Variants in AGO3 observed in about 807,000 individuals in gnomAD.
AGO3 encodes the protein argonaute RISC catalytic component 3.
Under a neutral mutation model 105.5 loss-of-function variants are expected in AGO3, and 16 were observed. The ratio of observed to expected loss-of-function variants is 0.15; its 90% confidence interval spans 0.10 to 0.23. AGO3 has a LOEUF of 0.23. Ranked by LOEUF, AGO3 falls within the 10% of genes least tolerant of loss-of-function variation. The pLI is 1.00. For synonymous variants in AGO3, 340 were observed against 367.3 expected (o/e 0.93, Z 0.85); for missense variants, 534 against 1,088.0 (o/e 0.49, Z 7.16).
chr1:35,948,216 ATTTTTTT>A (rs926949293), intron 2 of AGO3, among the ~76,000 whole-genome samples: 232 of 135,328 alleles, frequency 1.7e-3, no homozygotes, highest in Non-Finnish European at 2.0e-3. Flanking sequence ...AAGGAACAGA[ATTTTTTT>A]TTTTTTTTTT....
intron 6 of AGO3, among the ~76,000 whole-genome samples, chr1:36,005,007 TA>T (rs1640273579): frequency 6.6e-6 from 1 of 152,174 alleles, no homozygotes; most frequent in East Asian, 1.9e-4. Flanking sequence ...ACTTAGTAAC[TA>T]AAATTTGTAC....
chr1:36,058,196 G>A lies in AGO3; in HGVS notation c.*2451G>A, dbSNP rs895821821. ...TGCAAGATGATATTTTAAAACTTTTGCTAATGTATCACCAGTATAACTTTC... is the reference window on the plus strand; with the variant it reads ...TGCAAGATGATATTTTAAAACTTTTACTAATGTATCACCAGTATAACTTTC... On this transcript the variant is annotated 3_prime_UTR_variant, in exon 19 of 19. Transcript: ENST00000373191. 6.6e-6 allele frequency: 1 copy of A among 152,072 alleles called. No homozygotes were observed. Among genetic ancestry groups the A allele is most frequent in the African/African-American group, 2.4e-5 (1 of 41,412 alleles). 9.4% of individuals were successfully genotyped at this position (152,072 alleles called of 1,614,324 possible). A position where few individuals can be genotyped will look rare whatever the true frequency, so the allele number is the denominator to read the frequency against.
chr1:35,996,118 C>T (rs1002032507), intron 5 of AGO3, among the ~76,000 whole-genome samples: 3 of 152,004 alleles, frequency 2.0e-5, no homozygotes, highest in Non-Finnish European at 2.9e-5. Context: ...GCAAGAGAAT[C>T]GCTTGAGGCC....
In AGO3 at chr1:36,071,701, CT is replaced by C. The variant is rs1293799560; in HGVS notation, c.*15957del. 6.6e-6 allele frequency: 1 copy of C among 152,082 alleles called. No homozygotes were observed. Among genetic ancestry groups the C allele is most frequent in the Non-Finnish European group, 1.5e-5 (1 of 68,024 alleles). 9.4% of individuals were successfully genotyped at this position (152,082 alleles called of 1,614,324 possible). ...AGACTGCAGAATTTCAAGTGTATATCTATAAATCTTTTTTTAAAATCTTCGG... is the reference window on the plus strand; with the variant it reads ...AGACTGCAGAATTTCAAGTGTATATCATAAATCTTTTTTTAAAATCTTCGG... On this transcript the variant is annotated 3_prime_UTR_variant, in exon 19 of 19. Coordinates refer to ENST00000373191, the MANE Select transcript of AGO3 (RefSeq NM_024852.4).
At chr1:36,015,036 T>G (rs1264811576) in intron 11 of AGO3, among the ~76,000 whole-genome samples, 1 of 152,048 alleles carries the variant, frequency 6.6e-6, no homozygotes, top group Non-Finnish European at 1.5e-5. Flanking sequence ...CCAATTCAGT[T>G]ATTACACTAT....
At chr1:36,041,972 G>A (rs1432354463) in intron 16 of AGO3, among the ~76,000 whole-genome samples, 3 of 152,144 alleles carry the variant, frequency 2.0e-5, no homozygotes, top group Non-Finnish European at 4.4e-5. Flanking sequence ...GCTGCAGAGT[G>A]GTGGTGATAG....
chr1:35,934,974 T>G (rs1646124078), intron 1 of AGO3, among the ~76,000 whole-genome samples: 2 of 152,212 alleles, frequency 1.3e-5, no homozygotes, highest in Non-Finnish European at 2.9e-5. Context: ...TTTTCTCACT[T>G]GTAGTTCTTT....
chr1:36,009,675 C>A, intron 9 of AGO3, 81 bp downstream of exon 9: 1 of 1,383,232 alleles, frequency 7.2e-7, no homozygotes, highest in Non-Finnish European at 9.8e-7. Context: ...CCTTATCAAC[C>A]CATACCTTAT....
At chr1:36,053,951 A>G (rs924093351) in intron 17 of AGO3, among the ~76,000 whole-genome samples, 1 of 151,282 alleles carries the variant, frequency 6.6e-6, no homozygotes, top group African/African-American at 2.4e-5. Context: ...GTTTCACCAT[A>G]TTAGCCAGGA....
chr1:35,970,072 C>A (rs1380504466), intron 3 of AGO3, among the ~76,000 whole-genome samples: 1 of 152,112 alleles, frequency 6.6e-6, no homozygotes, highest in Non-Finnish European at 1.5e-5. Flanking sequence ...TTTATGTTTT[C>A]TCTGCTGCAG....
chr1:36,036,112 T>C, intron 13 of AGO3, 65 bp from the exon 14 acceptor site: 1 of 1,475,342 alleles, frequency 6.8e-7, no homozygotes, highest in Non-Finnish European at 9.5e-7. Flanking sequence ...GTTGCAATTG[T>C]GTGAAACAGA....
At chr1:35,935,015 C>T (rs1557638737) in intron 1 of AGO3, among the ~76,000 whole-genome samples, 1 of 152,164 alleles carries the variant, frequency 6.6e-6, no homozygotes, top group Non-Finnish European at 1.5e-5. Flanking sequence ...AATTACTGCT[C>T]TGTCTGTGGG....
chr1:36,002,609 G>C (rs1640138137), intron 5 of AGO3, among the ~76,000 whole-genome samples: 1 of 151,920 alleles, frequency 6.6e-6, no homozygotes, highest in African/African-American at 2.4e-5. Context: ...TGGGATTACA[G>C]GTGTGAGCCA....
rs758528720 is a variant in AGO3, at chr1:36,006,954, A to G, written c.794-1736A>G. 2.6e-5 allele frequency among the ~76,000 whole-genome samples: 4 copies of G among 152,244 alleles called. 1 individual carries two copies. The highest frequency in any genetic ancestry group is 4.1e-4 in the South Asian group (2 of 4,828). ...GTTAGGTAAGAAAATAAATTTTACC[A>G]TAGCAGGCATTCTCAACCTTAGCAG... On this transcript the variant is annotated intron_variant, in intron 6 of 18. Coordinates refer to ENST00000373191, the MANE Select transcript of AGO3 (RefSeq NM_024852.4).
In AGO3 at chr1:36,055,964, T is replaced by C. The variant is rs1642903414; in HGVS notation, c.*219T>C. On this transcript the variant is annotated 3_prime_UTR_variant, in exon 19 of 19. Transcript: ENST00000373191. This position sits in a 1 kb window ranked among gnomAD's most constrained non-coding sequence, Gnocchi z 4.4. ...CAATATGAAACCAGCCAACTGCTTT[T>C]TGTGCGGTCTCCTATAGGAAGTATC... The C allele has an allele frequency of 2.1e-6, 1 of 476,574 alleles. No individual in the cohort carries two copies. Among genetic ancestry groups the C allele is most frequent in the Non-Finnish European group, 3.7e-6 (1 of 267,374 alleles). 29.5% of individuals were successfully genotyped at this position (476,574 alleles called of 1,614,324 possible).
At chr1:36,020,990 T>G (rs991956728) in intron 11 of AGO3, among the ~76,000 whole-genome samples, 4 of 152,040 alleles carry the variant, frequency 2.6e-5, no homozygotes, top group Admixed American at 6.6e-5. Context: ...TGGAATGCAG[T>G]GGCACAATCT....
rs1226457064 is a variant in AGO3, at chr1:36,063,056, T to C, written c.*7311T>C. The C allele has an allele frequency of 6.6e-6, 1 of 152,186 alleles. No individual in the cohort carries two copies. The highest frequency in any genetic ancestry group is 2.4e-5 in the African/African-American group (1 of 41,456). 9.4% of individuals were successfully genotyped at this position (152,186 alleles called of 1,614,324 possible). On this transcript the variant is annotated 3_prime_UTR_variant, in exon 19 of 19. Coordinates refer to ENST00000373191, the MANE Select transcript of AGO3 (RefSeq NM_024852.4). ...TTCTAGCTTTCCTCATTCTTTGTAA[T>C]AGCAGCAAAGATTAAGATGGAGTGT... is the stretch of plus-strand genomic sequence containing the variant.
At chr1:36,036,596 T>A in intron 14 of AGO3, among the ~76,000 whole-genome samples, 1 of 152,372 alleles carries the variant, frequency 6.6e-6, no homozygotes, top group South Asian at 2.1e-4. Flanking sequence ...CATAGAAAGA[T>A]ACACTACATA....
Position 36,027,580 on chromosome 1 carries a change from C to T in AGO3, c.1591+282C>T, listed in dbSNP as rs887667754. ...ATCACCTGAGGTCAGGAGTTCGAGA[C>T]CAGCCTGGCCAATGTGGTGAAACCC... On this transcript the variant is annotated intron_variant, in intron 12 of 18. Coordinates refer to ENST00000373191, the MANE Select transcript of AGO3 (RefSeq NM_024852.4). This position sits in a 1 kb window ranked among gnomAD's most constrained non-coding sequence, Gnocchi z 4.0. 2.0e-4 allele frequency among the ~76,000 whole-genome samples: 31 copies of T among 151,822 alleles called. No homozygotes were observed. Among genetic ancestry groups the T allele is most frequent in the African/African-American group, 7.5e-4 (31 of 41,334 alleles).
Sources: gnomAD v4.1 joint callset for allele counts (sites outside exome capture counted in the v4.1 genomes callset) on GRCh38, gnomAD v4.1.1 for gene constraint, Gnocchi (gnomAD v3.1) non-coding constraint, MANE v1.5 for transcripts, NCBI Gene and HGNC (gene_info 2026-07-23, HGNC 2026-07-21) for gene names.